Variants in ATP13A4 observed in about 807,000 individuals in gnomAD.
ATP13A4 encodes ATPase 13A4, also known as probable cation-transporting ATPase 13A4.
Under a neutral mutation model 142.5 loss-of-function variants are expected in ATP13A4, and 114 were observed. The ratio of observed to expected loss-of-function variants is 0.80; its 90% CI spans 0.69 to 0.93. The LOEUF (loss-of-function observed/expected upper bound fraction) is 0.93. Among genes scored for constraint, ATP13A4 ranks in the 40% least tolerant of loss-of-function variants. The pLI, the probability that ATP13A4 is intolerant of heterozygous loss-of-function variation, is 0.00. For missense variants in ATP13A4, 1,392 were observed against 1,454.0 expected (o/e 0.96, Z 0.69); for synonymous variants, 488 against 514.8 (o/e 0.95, Z 0.70).
intron 1 of ATP13A4, among the ~76,000 whole-genome samples, chr3:193,537,517 G>C (rs549836820): frequency 6.6e-6 from 1 of 152,138 alleles, no homozygotes; most frequent in Non-Finnish European, 1.5e-5. Flanking sequence ...GCTAGGCAAA[G>C]AGTTCCTAGA....
At chr3:193,457,312 A>C (rs1277263818) in intron 15 of ATP13A4, 67 bp downstream of exon 15, 9 of 1,593,132 alleles carry the variant, frequency 5.6e-6, no homozygotes, top group Admixed American at 5.0e-5. Flanking sequence ...ACCTTTCAAA[A>C]ACTGGGGGCC....
At chr3:193,524,880 A>C (rs1360438810) in intron 1 of ATP13A4, among the ~76,000 whole-genome samples, 1 of 152,120 alleles carries the variant, frequency 6.6e-6, no homozygotes, top group Non-Finnish European at 1.5e-5. Flanking sequence ...TATAAGTCAG[A>C]TCTCACCTCC....
chr3:193,493,197 A>C, intron 3 of ATP13A4, 37 bp from the exon 4 acceptor site: 1 of 1,578,126 alleles, frequency 6.3e-7, no homozygotes, highest in Non-Finnish European at 8.7e-7. Context: ...CTCTAGTTTG[A>C]GGATCAGAGA....
rs557345793 is a variant in ATP13A4, at chr3:193,463,231, T to C, written c.1462-408A>G. On this transcript the variant is annotated intron_variant, in intron 12 of 29. Coordinates refer to ENST00000342695, the MANE Select transcript of ATP13A4 (RefSeq NM_032279.4). ...CATAACAACAACAAAAAAAGTATCT[T>C]CCTCACAACTTCAGAGGATTGTTTT... Among the ~76,000 whole-genome samples, 6 of 152,168 alleles carry C rather than the reference T, an allele frequency of 3.9e-5. No individual in the cohort carries two copies. In the South Asian group the frequency reaches 1.2e-3, roughly 32 times the overall value.
intron 25 of ATP13A4, among the ~76,000 whole-genome samples, chr3:193,431,602 CAT>C (rs1491516932): frequency 5.5e-5 from 8 of 145,348 alleles, no homozygotes; most frequent in South Asian, 2.1e-4. Flanking sequence ...TCTATATATG[CAT>C]GTGTGTGTGT....
At chr3:193,420,322 G>A (rs2087490) in intron 25 of ATP13A4, among the ~76,000 whole-genome samples, 75,969 of 149,354 alleles carry the variant, frequency 0.51, 21,642 homozygotes, top group Non-Finnish European at 0.58. Context: ...GCATCTTCTC[G>A]GAATCAGAGT....
intron 18 of ATP13A4, 92 bp from the exon 19 acceptor site, chr3:193,442,648 T>C: frequency 8.0e-7 from 1 of 1,252,866 alleles, no homozygotes. Context: ...AGTTCAGTCC[T>C]TATTTCAGGT....
At chr3:193,547,865 T>C (rs1455731398) in intron 1 of ATP13A4, among the ~76,000 whole-genome samples, 1 of 152,206 alleles carries the variant, frequency 6.6e-6, no homozygotes, top group Admixed American at 6.5e-5. Flanking sequence ...GTTTTCACTT[T>C]GCACTGGGTC....
At chr3:193,534,459 A>G (rs547609739) in intron 1 of ATP13A4, among the ~76,000 whole-genome samples, 28 of 152,224 alleles carry the variant, frequency 1.8e-4, no homozygotes, top group Non-Finnish European at 3.5e-4. Context: ...CAGCCATTAT[A>G]AAACTACTAT....
At chr3:193,449,972 A>T (rs1717179662) in intron 17 of ATP13A4, among the ~76,000 whole-genome samples, 1 of 152,108 alleles carries the variant, frequency 6.6e-6, no homozygotes, top group Non-Finnish European at 1.5e-5. Context: ...ATACAACATT[A>T]GTTGGGCATG....
intron 23 of ATP13A4, among the ~76,000 whole-genome samples, chr3:193,436,756 T>C (rs1220097281): frequency 6.8e-6 from 1 of 148,062 alleles, no homozygotes; most frequent in East Asian, 2.2e-4. Context: ...CCAGCCTAGA[T>C]CATACTTCTT....
At chr3:193,561,267 G>A (rs879723560) in intron 2 of ATP13A4, among the ~76,000 whole-genome samples, 9 of 152,232 alleles carry the variant, frequency 5.9e-5, no homozygotes, top group African/African-American at 2.2e-4. Context: ...CCTTGCTGTG[G>A]GCCTGGGATG....
chr3:193,451,812 A>G (rs1275203335), intron 17 of ATP13A4, among the ~76,000 whole-genome samples: 1 of 152,154 alleles, frequency 6.6e-6, no homozygotes, highest in Non-Finnish European at 1.5e-5. Flanking sequence ...AAAAACCCCA[A>G]AACAACAGCA....
chr3:193,493,055 T>C (rs1322590154), intron 4 of ATP13A4, 35 bp downstream of exon 4: 4 of 1,607,622 alleles, frequency 2.5e-6, no homozygotes, highest in Admixed American at 1.7e-5. Context: ...AGATAACATT[T>C]TTCTTCTTTG....
chr3:193,414,592 C>CAGA lies in ATP13A4; in HGVS notation c.3000_3001insTCT (p.Ser1000dup). 1 of 1,613,878 alleles carries CAGA rather than the reference C, an allele frequency of 6.2e-7. No homozygotes were observed. Among genetic ancestry groups the CAGA allele is most frequent in the South Asian group, 1.1e-5 (1 of 91,072 alleles). On this transcript the variant is annotated inframe_insertion, in exon 26 of 30. Coordinates refer to ENST00000342695, the MANE Select transcript of ATP13A4 (RefSeq NM_032279.4). ...CTATACTCATACCTGTGTATCTCCA[C>CAGA]GGAATACCAAGGCTGCCTCTGAACC...
intron 1 of ATP13A4, 141 bp downstream of exon 1, chr3:193,554,599 C>T: frequency 9.4e-7 from 1 of 1,062,090 alleles, no homozygotes; most frequent in Non-Finnish European, 1.4e-6. Flanking sequence ...ATGACCTTTT[C>T]TCGTGTAATA....
chr3:193,568,938 C>T (rs1009316832), intron 2 of ATP13A4, among the ~76,000 whole-genome samples: 6 of 152,188 alleles, frequency 3.9e-5, no homozygotes, highest in South Asian at 2.1e-4. Flanking sequence ...AACAAATGGG[C>T]GAGAAGAGAT....
chr3:193,522,583 C>A (rs373023679), intron 1 of ATP13A4, among the ~76,000 whole-genome samples: 31 of 152,272 alleles, frequency 2.0e-4, no homozygotes, highest in African/African-American at 7.5e-4. Context: ...TGAAGACACT[C>A]CCTCCTCCTC....
intron 1 of ATP13A4, among the ~76,000 whole-genome samples, chr3:193,545,907 A>C (rs1723193126): frequency 6.6e-6 from 1 of 151,922 alleles, no homozygotes; most frequent in African/African-American, 2.4e-5. Context: ...TTGAAAAAAA[A>C]ATGAGTATTA....
Sources: gnomAD v4.1 joint callset for allele counts (sites outside exome capture counted in the v4.1 genomes callset) on GRCh38, gnomAD v4.1.1 for gene constraint, MANE v1.5 for transcripts, NCBI Gene and HGNC (gene_info 2026-07-23, HGNC 2026-07-21) for gene names.